CUBN: variants seen among roughly 807,000 people sequenced by gnomAD.
The protein encoded by CUBN is cubilin.
Under a neutral mutation model 405.3 loss-of-function variants are expected in CUBN, and 282 were observed. The ratio of observed to expected loss-of-function variants is 0.70; its 90% CI spans 0.63 to 0.77. The LOEUF is 0.77. Ranked by LOEUF, CUBN falls within the 30% of genes least tolerant of loss-of-function variation. CUBN has a pLI of 0.00. For missense variants in CUBN, 4,514 were observed against 4,475.2 expected, an observed-to-expected ratio of 1.01 and a Z score of -0.25; for synonymous variants, 1,684 against 1,617.0, an observed-to-expected ratio of 1.04 and a Z score of -0.99.
intron 59 of CUBN, among the ~76,000 whole-genome samples, chr10:16,864,270 T>A (rs146704404): frequency 6.6e-6 from 1 of 152,248 alleles, no homozygotes; most frequent in African/African-American, 2.4e-5. Flanking sequence ...GACGGTTAGG[T>A]GTCACTGCAA....
chr10:17,001,214 C>T (rs537135780), intron 28 of CUBN, among the ~76,000 whole-genome samples: 5 of 152,256 alleles, frequency 3.3e-5, no homozygotes, highest in South Asian at 2.1e-4. Context: ...AAACGTAGTG[C>T]GGACCCAAAG....
At position 16,888,356 on chromosome 10, in the gene CUBN, C is replaced by T. The variant is rs145128029; in HGVS notation, c.8905+61G>A. The stretch of plus-strand genomic sequence containing the variant: ...TACATATGTCAAAACATGTTGTACA[C>T]CATAAATATACAATTTTTGTTTGTC... On this transcript the variant is annotated intron_variant, in intron 56 of 66. Coordinates refer to ENST00000377833, the MANE Select transcript of CUBN (RefSeq NM_001081.4). 5.1e-4 allele frequency: 677 copies of T among 1,330,002 alleles called. 7 individuals carry two copies. In the East Asian group the frequency reaches 0.013, roughly 25 times the overall value. 82.4% of individuals were successfully genotyped at this position (1,330,002 alleles called of 1,614,324 possible).
At chr10:17,067,770 G>A (rs1835644361) in intron 21 of CUBN, among the ~76,000 whole-genome samples, 1 of 152,144 alleles carries the variant, frequency 6.6e-6, no homozygotes, top group African/African-American at 2.4e-5. Context: ...GGTTTCCTGT[G>A]GGTGGGGGTG....
At chr10:17,022,418 G>T (rs11595961) in intron 27 of CUBN, among the ~76,000 whole-genome samples, 14,175 of 151,850 alleles carry the variant, frequency 0.093, 946 homozygotes, top group African/African-American at 0.18. Context: ...TCTGTTTTTC[G>T]TACTGCTGCT....
intron 31 of CUBN, among the ~76,000 whole-genome samples, chr10:16,975,939 T>C (rs905897169): frequency 4.0e-5 from 6 of 151,724 alleles, no homozygotes; most frequent in Non-Finnish European, 8.8e-5. Flanking sequence ...AAGACCCTTC[T>C]TTTGCTTCAA....
intron 15 of CUBN, 134 bp downstream of exon 15, chr10:17,088,030 A>C: frequency 1.5e-6 from 1 of 685,720 alleles, no homozygotes; most frequent in Admixed American, 2.3e-5. Flanking sequence ...TGCAAGAGTT[A>C]GATATTGACT....
intron 59 of CUBN, among the ~76,000 whole-genome samples, chr10:16,862,321 C>A (rs892310811): frequency 9.9e-5 from 15 of 152,164 alleles, no homozygotes; most frequent in African/African-American, 3.6e-4. Flanking sequence ...ACCCTTTGGA[C>A]CACAGACAAA....
At chr10:16,852,601 G>T (rs1473102861) in intron 59 of CUBN, among the ~76,000 whole-genome samples, 1 of 152,206 alleles carries the variant, frequency 6.6e-6, no homozygotes, top group Non-Finnish European at 1.5e-5. Flanking sequence ...CGGAGTTGCT[G>T]AAAGAAGTGG....
At chr10:17,091,309 A>G (rs762282715) in intron 14 of CUBN, among the ~76,000 whole-genome samples, 1 of 152,234 alleles carries the variant, frequency 6.6e-6, no homozygotes, top group Non-Finnish European at 1.5e-5. Flanking sequence ...TAATATATAA[A>G]TGTACAGATA....
intron 59 of CUBN, among the ~76,000 whole-genome samples, chr10:16,859,862 T>G (rs915304542): frequency 2.6e-5 from 4 of 152,176 alleles, no homozygotes; most frequent in Non-Finnish European, 5.9e-5. Flanking sequence ...ACCTATTATG[T>G]ACGTAGAATT....
chr10:17,017,928 G>T (rs1319718145), intron 28 of CUBN, among the ~76,000 whole-genome samples: 1 of 152,160 alleles, frequency 6.6e-6, no homozygotes, highest in Admixed American at 6.5e-5. Flanking sequence ...GGCAAGTCTT[G>T]CTTGGGTGAC....
intron 6 of CUBN, among the ~76,000 whole-genome samples, chr10:17,116,671 C>T (rs537518634): frequency 9.2e-5 from 14 of 152,208 alleles, no homozygotes; most frequent in Non-Finnish European, 1.6e-4. Flanking sequence ...GTATGAACGA[C>T]ATTGTGGGAA....
rs1051153084 is a variant in CUBN at position 17,128,984 on chromosome 10, T to A, written c.252+137A>T. On this transcript the variant is annotated intron_variant, in intron 2 of 66. Coordinates refer to ENST00000377833, the MANE Select transcript of CUBN (RefSeq NM_001081.4). Reference sequence around the variant, plus strand: ...ACCCTGATTTGAACTTTACACATTATAGGAATGTATCAAATTATGTATTAA... The same window carrying A: ...ACCCTGATTTGAACTTTACACATTAAAGGAATGTATCAAATTATGTATTAA... 5 of 663,830 alleles carry A rather than the reference T, an allele frequency of 7.5e-6. No homozygotes were observed. The African/African-American group carries it at 9.1e-5, about 12-fold the overall frequency. 41.1% of individuals were successfully genotyped at this position (663,830 alleles called of 1,614,324 possible).
intron 48 of CUBN, among the ~76,000 whole-genome samples, chr10:16,910,562 C>T (rs1277600814): frequency 6.6e-6 from 1 of 151,906 alleles, no homozygotes; most frequent in African/African-American, 2.4e-5. Flanking sequence ...AGAGTCAGGG[C>T]CCCCTCATGC....
intron 57 of CUBN, 140 bp downstream of exon 57, chr10:16,876,757 C>T: frequency 1.3e-6 from 1 of 789,336 alleles, no homozygotes; most frequent in Non-Finnish European, 2.1e-6. Flanking sequence ...TATTTTTTAA[C>T]CATGAACCTC....
intron 28 of CUBN, among the ~76,000 whole-genome samples, chr10:17,011,085 T>C (rs1218042957): frequency 1.3e-5 from 2 of 152,188 alleles, no homozygotes; most frequent in East Asian, 3.8e-4. Flanking sequence ...TCTTTCCAGT[T>C]GATTGAAATA....
intron 60 of CUBN, among the ~76,000 whole-genome samples, chr10:16,847,813 T>C (rs768181971): frequency 6.6e-6 from 1 of 152,230 alleles, no homozygotes; most frequent in Non-Finnish European, 1.5e-5. Context: ...AATAATGGAA[T>C]TGGTATGATT....
intron 14 of CUBN, among the ~76,000 whole-genome samples, chr10:17,090,627 C>T (rs1190665839): frequency 6.6e-6 from 1 of 151,680 alleles, no homozygotes; most frequent in Non-Finnish European, 1.5e-5. Context: ...TTGACTATAC[C>T]GCTCAAGCAA....
chr10:16,858,611 T>G (rs1309447628), intron 59 of CUBN, among the ~76,000 whole-genome samples: 1 of 152,214 alleles, frequency 6.6e-6, no homozygotes, highest in African/African-American at 2.4e-5. Flanking sequence ...CATGAGACAC[T>G]GCCCCCAGCC....
Sources: allele counts gnomAD v4.1 joint callset (sites outside exome capture counted in the v4.1 genomes callset), GRCh38; gene constraint gnomAD v4.1.1; transcripts MANE v1.5; gene names NCBI Gene and HGNC (gene_info 2026-07-23, HGNC 2026-07-21).